The following DIP2B variants were observed in gnomAD, a reference collection of about 807,000 sequenced individuals.
DIP2B encodes disco-interacting protein 2 homolog B.
Under a neutral mutation model 198.0 loss-of-function variants are expected in DIP2B, and 76 were observed. The observed-to-expected ratio is 0.38, with a 90% CI of 0.32 to 0.46. The LOEUF (loss-of-function observed/expected upper bound fraction) is 0.46. Among genes scored for constraint, DIP2B ranks in the 20% least tolerant of loss-of-function variants. The pLI, the probability that DIP2B is intolerant of heterozygous loss-of-function variation, is 0.99. For missense variants in DIP2B, 1,559 were observed against 1,978.4 expected (o/e 0.79, Z 4.02); for synonymous variants, 701 against 739.1 (o/e 0.95, Z 0.84).
intron 5 of DIP2B, among the ~76,000 whole-genome samples, chr12:50,673,890 A>C (rs547637452): frequency 6.6e-6 from 1 of 152,210 alleles, no homozygotes; most frequent in Non-Finnish European, 1.5e-5. Context: ...CAAATTACCT[A>C]TGGATTATTG....
chr12:50,718,223 T>A (rs1349001265), intron 23 of DIP2B, among the ~76,000 whole-genome samples: 1 of 152,212 alleles, frequency 6.6e-6, no homozygotes, highest in African/African-American at 2.4e-5. Flanking sequence ...TTGAACAAAT[T>A]TAATATTCTA....
At chr12:50,688,618 C>A (rs1187723439) in intron 12 of DIP2B, among the ~76,000 whole-genome samples, 2 of 152,116 alleles carry the variant, frequency 1.3e-5, no homozygotes, top group Admixed American at 6.5e-5. Context: ...TGCCACTGCA[C>A]CCTATCCTGG....
intron 1 of DIP2B, among the ~76,000 whole-genome samples, chr12:50,571,367 A>T (rs904346196): frequency 1.3e-5 from 2 of 151,760 alleles, no homozygotes; most frequent in African/African-American, 4.8e-5. Context: ...AGATGGGGTT[A>T]TGCCATGAAG....
intron 2 of DIP2B, among the ~76,000 whole-genome samples, chr12:50,636,236 CTG>C (rs1938157480): frequency 6.6e-6 from 1 of 152,290 alleles, no homozygotes; most frequent in South Asian, 2.1e-4. Flanking sequence ...CAATGTGCCT[CTG>C]TGTATGTATG....
At chr12:50,650,246 C>T (rs1203681928) in intron 3 of DIP2B, among the ~76,000 whole-genome samples, 1 of 150,872 alleles carries the variant, frequency 6.6e-6, no homozygotes, top group African/African-American at 2.4e-5. Flanking sequence ...CATCACAAAA[C>T]TTTCCTATAA....
At chr12:50,588,844 C>CTT (rs1958793259) in intron 1 of DIP2B, among the ~76,000 whole-genome samples, 1 of 152,118 alleles carries the variant, frequency 6.6e-6, no homozygotes, top group Non-Finnish European at 1.5e-5. Flanking sequence ...ATTTGCTCAC[C>CTT]TTTAAAATCA....
intron 1 of DIP2B, among the ~76,000 whole-genome samples, chr12:50,559,139 G>T (rs1316847095): frequency 1.3e-5 from 2 of 152,030 alleles, no homozygotes; most frequent in East Asian, 3.9e-4. Context: ...TCAGAACATG[G>T]GTGATTAGGT....
At chr12:50,537,074 T>C (rs914409553) in intron 1 of DIP2B, among the ~76,000 whole-genome samples, 9 of 149,732 alleles carry the variant, frequency 6.0e-5, no homozygotes, top group African/African-American at 2.2e-4. Flanking sequence ...TTTTAATTTT[T>C]TTGGTCACAC....
chr12:50,660,413 T>C, intron 4 of DIP2B, 94 bp downstream of exon 4: 1 of 1,337,614 alleles, frequency 7.5e-7, no homozygotes, highest in Non-Finnish European at 9.8e-7. Flanking sequence ...AGAACCAGAA[T>C]CTTCTCCCCG....
At chr12:50,610,872 G>C (rs937930248) in intron 1 of DIP2B, among the ~76,000 whole-genome samples, 1 of 148,090 alleles carries the variant, frequency 6.8e-6, no homozygotes, top group African/African-American at 2.5e-5. Context: ...GCGTGATCTT[G>C]GCTCACTGCA....
intron 7 of DIP2B, 73 bp downstream of exon 7, chr12:50,675,521 C>A (rs1221749334): frequency 7.0e-7 from 1 of 1,418,528 alleles, no homozygotes; most frequent in African/African-American, 1.4e-5. Context: ...GTGTTAGGTA[C>A]TGTAGGGTTA....
intron 1 of DIP2B, among the ~76,000 whole-genome samples, chr12:50,527,105 T>G (rs149859521): frequency 6.6e-5 from 10 of 152,316 alleles, no homozygotes; most frequent in African/African-American, 2.4e-4. Context: ...CATGCCTGGT[T>G]TTTCAACGTC....
chr12:50,566,757 C>G (rs1445520936), intron 1 of DIP2B, among the ~76,000 whole-genome samples: 3 of 152,000 alleles, frequency 2.0e-5, no homozygotes, highest in Admixed American at 6.6e-5. Context: ...ATCACAAGGT[C>G]AGGAGATCGA....
intron 1 of DIP2B, among the ~76,000 whole-genome samples, chr12:50,604,300 T>C (rs1410264314): frequency 6.6e-6 from 1 of 152,162 alleles, no homozygotes; most frequent in African/African-American, 2.4e-5. Flanking sequence ...TGCAAGCATA[T>C]ATCCAACCTC....
chr12:50,645,931 A>C (rs1279945808), intron 3 of DIP2B, among the ~76,000 whole-genome samples: 1 of 152,030 alleles, frequency 6.6e-6, no homozygotes, highest in Non-Finnish European at 1.5e-5. Context: ...ATACCAAACT[A>C]TTGAGGCAGG....
chr12:50,528,543 A>G (rs1958188362), intron 1 of DIP2B, among the ~76,000 whole-genome samples: 1 of 152,134 alleles, frequency 6.6e-6, no homozygotes, highest in Admixed American at 6.6e-5. Flanking sequence ...ACGTCCATCC[A>G]TGCAGAAGTT....
At chr12:50,738,866 G>A (rs1940185245) in intron 35 of DIP2B, among the ~76,000 whole-genome samples, 1 of 152,216 alleles carries the variant, frequency 6.6e-6, no homozygotes, top group Non-Finnish European at 1.5e-5. Context: ...ATTAACACCT[G>A]CATCTGTAGT....
chr12:50,711,602 C>G (rs113254838), intron 22 of DIP2B, among the ~76,000 whole-genome samples: 19 of 152,292 alleles, frequency 1.2e-4, no homozygotes, highest in African/African-American at 4.6e-4. Context: ...ACTCTTGTCT[C>G]CCAGGCTGGA....
intron 1 of DIP2B, among the ~76,000 whole-genome samples, chr12:50,523,403 A>T (rs1055449750): frequency 2.6e-5 from 4 of 152,024 alleles, no homozygotes; most frequent in Admixed American, 6.6e-5. Flanking sequence ...ACCTATTTTC[A>T]CTTAGAGGTT....
Sources: allele counts gnomAD v4.1 joint callset (sites outside exome capture counted in the v4.1 genomes callset), GRCh38; gene constraint gnomAD v4.1.1; transcripts MANE v1.5; gene names NCBI Gene and HGNC (gene_info 2026-07-23, HGNC 2026-07-21).